Variants in PCDHGB2 observed in about 807,000 individuals in gnomAD.
PCDHGB2 encodes protocadherin gamma subfamily B, 2, also known as protocadherin gamma-B2.
A neutral mutation model predicts 59.3 loss-of-function variants in PCDHGB2; 55 were observed. That is an observed-to-expected ratio of 0.93 (90% confidence interval 0.75 to 1.16). The LOEUF (loss-of-function observed/expected upper bound fraction) is 1.16, where lower values mean the gene tolerates loss of function less well. PCDHGB2 is among the 50% of genes most tolerant of loss of function. PCDHGB2 has a pLI of 0.00. For synonymous variants in PCDHGB2, 516 were observed against 512.0 expected, an observed-to-expected ratio of 1.01 and a Z score of -0.11; for missense variants, 1,228 against 1,198.5, an observed-to-expected ratio of 1.02 and a Z score of -0.36.
At chr5:141,384,478 G>T (rs1350381914) in intron 1 of PCDHGB2, 1 of 1,613,986 alleles carries the variant, frequency 6.2e-7, no homozygotes, top group African/African-American at 1.3e-5. Flanking sequence ...GCAGTTGAGA[G>T]AACTACAACT....
At chr5:141,406,273 G>A (rs1366399912) in intron 1 of PCDHGB2, among the ~76,000 whole-genome samples, 2 of 151,898 alleles carry the variant, frequency 1.3e-5, no homozygotes, top group Non-Finnish European at 2.9e-5. Context: ...TCCTGCTTCA[G>A]TTTCCCAAAG....
intron 1 of PCDHGB2, among the ~76,000 whole-genome samples, chr5:141,433,397 A>ATCTC (rs1179042498): frequency 6.6e-6 from 1 of 150,410 alleles, no homozygotes; most frequent in African/African-American, 2.5e-5. Flanking sequence ...CTATCTATCT[A>ATCTC]TCTATCTATT....
rs750920407 is a variant in PCDHGB2, at chr5:141,361,795, G to C, written c.1660G>C (p.Asp554His). The C allele has an allele frequency of 1.9e-6, 3 of 1,613,220 alleles. No individual in the cohort carries two copies. The highest frequency in any genetic ancestry group is 2.5e-6 in the Non-Finnish European group (3 of 1,179,738). The part of the protein sequence containing the change: ...ANVSLRVLVG[D>H]LNDNAPRVLY... Reference sequence around the variant, plus strand: ...CGTGAGCCTGCGCGTGTTAGTGGGCGACCTCAATGACAATGCGCCACGGGT... The same window carrying C: ...CGTGAGCCTGCGCGTGTTAGTGGGCCACCTCAATGACAATGCGCCACGGGT... The change falls in exon 1 of 4, where the codon GAC becomes CAC. Residue 554 changes from aspartate (D) to histidine (H), a missense_variant. Physicochemically the swap from Asp to His is moderately conservative, Grantham distance 81. Around this residue, in one of 3 missense-constraint regions of PCDHGB2, gnomAD observed 781 missense variants for 721.6 expected, o/e 1.08. Coordinates refer to ENST00000522605, the MANE Select transcript of PCDHGB2 (RefSeq NM_018923.3).
intron 2 of PCDHGB2, among the ~76,000 whole-genome samples, chr5:141,499,146 C>T (rs1415999012): frequency 1.3e-5 from 2 of 152,132 alleles, no homozygotes; most frequent in African/African-American, 4.8e-5. Flanking sequence ...GTGTCTGATC[C>T]CAATAGCTGT....
At chr5:141,409,867 C>T (rs376725837) in intron 1 of PCDHGB2, 35 of 1,612,662 alleles carry the variant, frequency 2.2e-5, no homozygotes, top group African/African-American at 2.1e-4. Flanking sequence ...TGGGAGACCG[C>T]AATGACAACG....
chr5:141,376,948 A>T (rs1369934638), intron 1 of PCDHGB2: 1 of 164,970 alleles, frequency 6.1e-6, no homozygotes, highest in South Asian at 1.6e-4. Context: ...CGGCCTCCCA[A>T]AGTGCTGGGA....
At position 141,491,686 on chromosome 5, in the gene PCDHGB2, C is replaced by CG; in HGVS notation, c.2422-3118dup. 1 of 1,612,970 alleles carries CG rather than the reference C, an allele frequency of 6.2e-7. No individual in the cohort carries two copies. The highest frequency in any genetic ancestry group is 2.2e-5 in the East Asian group (1 of 44,838). ...CATCCGGTCCCGCTCTAATACGCTG[C>CG]GGGAGCGGAGCCAGGTGAGGGGCTC... On this transcript the variant is annotated intron_variant, in intron 1 of 3. Transcript: ENST00000522605. The surrounding 1 kb of genome is among the most constrained non-coding windows in gnomAD (Gnocchi z 6.9).
chr5:141,489,427 C>G lies in PCDHGB2; in HGVS notation c.2422-5380C>G, dbSNP rs370540900. ...AAAGATGACAGATCTGTTGAGCCGG[C>G]GGCTGCAATTGGGCTCTGAGGAGAA... On this transcript the variant is annotated intron_variant, in intron 1 of 3. Transcript: ENST00000522605. The surrounding 1 kb of genome is among the most constrained non-coding windows in gnomAD (Gnocchi z 4.5). 6.2e-7 allele frequency: 1 copy of G among 1,614,108 alleles called. No homozygotes were observed. Among genetic ancestry groups the G allele is most frequent in the South Asian group, 1.1e-5 (1 of 91,086 alleles).
Position 141,431,920 on chromosome 5 carries a change from A to C in PCDHGB2, c.2422-62887A>C. On this transcript the variant is annotated intron_variant, in intron 1 of 3. Transcript: ENST00000522605. The surrounding 1 kb of genome is among the most constrained non-coding windows in gnomAD (Gnocchi z 4.8). ...ACGGACAGGTGATCTGTTTCATCCA[A>C]GGAAATCTGCCCTTTAAATTAGAAA... 1 of 1,614,164 alleles carries C rather than the reference A, an allele frequency of 6.2e-7. No individual in the cohort carries two copies. Among genetic ancestry groups the C allele is most frequent in the Non-Finnish European group, 8.5e-7 (1 of 1,179,976 alleles).
intron 1 of PCDHGB2, among the ~76,000 whole-genome samples, chr5:141,387,541 T>C (rs1198504274): frequency 6.6e-6 from 1 of 152,252 alleles, no homozygotes; most frequent in Non-Finnish European, 1.5e-5. Flanking sequence ...CACGTAGTTT[T>C]TGTTCTTTCA....
chr5:141,472,079 G>T (rs2099271048), intron 1 of PCDHGB2, among the ~76,000 whole-genome samples: 1 of 152,124 alleles, frequency 6.6e-6, no homozygotes, highest in African/African-American at 2.4e-5. Flanking sequence ...TTATATCAAT[G>T]AGTACTATTA....
At position 141,454,263 on chromosome 5, in the gene PCDHGB2, T is replaced by C. The variant is rs954231508; in HGVS notation, c.2422-40544T>C. Among the ~76,000 whole-genome samples, 42 of 152,140 alleles carry C rather than the reference T, an allele frequency of 2.8e-4. 1 individual carries two copies. Among genetic ancestry groups the C allele is most frequent in the South Asian group, 1.0e-3 (5 of 4,826 alleles). On this transcript the variant is annotated intron_variant, in intron 1 of 3. Coordinates refer to ENST00000522605, the MANE Select transcript of PCDHGB2 (RefSeq NM_018923.3). Reference sequence around the variant, plus strand: ...GATGAAGATGTCCCAGAGAAAGTAATGCCAGCAAAAACTTCACATTAAAGG... The same window carrying C: ...GATGAAGATGTCCCAGAGAAAGTAACGCCAGCAAAAACTTCACATTAAAGG...
rs769514553 is a variant in PCDHGB2, at chr5:141,490,072, G to T, written c.2422-4735G>T. On this transcript the variant is annotated intron_variant, in intron 1 of 3. Transcript: ENST00000522605. The surrounding 1 kb of genome is among the most constrained non-coding windows in gnomAD (Gnocchi z 5.4). Reference sequence around the variant, plus strand: ...AGACGAGGGCACCAACGGCCAACTAGACTATTCTTTTGGAGACCACACATC... The same window carrying T: ...AGACGAGGGCACCAACGGCCAACTATACTATTCTTTTGGAGACCACACATC... 2 of 1,614,254 alleles carry T rather than the reference G, an allele frequency of 1.2e-6. No homozygotes were observed. Among genetic ancestry groups the T allele is most frequent in the South Asian group, 2.2e-5 (2 of 91,090 alleles).
chr5:141,444,589 C>A (rs1198742574), intron 1 of PCDHGB2, among the ~76,000 whole-genome samples: 1 of 152,068 alleles, frequency 6.6e-6, no homozygotes, highest in Non-Finnish European at 1.5e-5. Context: ...TTTCTACTTA[C>A]CTTATTTAAA....
chr5:141,369,146 G>A (rs1450558377), intron 1 of PCDHGB2, among the ~76,000 whole-genome samples: 4 of 152,168 alleles, frequency 2.6e-5, no homozygotes, highest in African/African-American at 7.2e-5. Context: ...AAAATGGCAT[G>A]TTATTGACCA....
chr5:141,375,300 C>A lies in PCDHGB2; in HGVS notation c.2421+12744C>A, dbSNP rs374837091. On this transcript the variant is annotated intron_variant, in intron 1 of 3. Transcript: ENST00000522605. ...GTTGGCAATTATTATCGATTAGTGA[C>A]AAATGCAGCTCTAGACCGGGAAGAG... 1.3e-5 allele frequency: 21 copies of A among 1,613,664 alleles called. No homozygotes were observed. In the African/African-American group the frequency reaches 2.1e-4, roughly 16 times the overall value.
At chr5:141,428,293 C>G (rs1278634119) in intron 1 of PCDHGB2, 1 of 716,436 alleles carries the variant, frequency 1.4e-6, no homozygotes, top group South Asian at 1.6e-5. Flanking sequence ...AGCAAAGCTG[C>G]AGATTTACCT....
At position 141,360,587 on chromosome 5, in the gene PCDHGB2, C is replaced by T. The variant is rs1186405210; in HGVS notation, c.452C>T (p.Thr151Ile). Reference protein sequence around the residue: ...KIGESTKPGTTFPLDPALDSD... With the variant: ...KIGESTKPGTIFPLDPALDSD... The stretch of plus-strand genomic sequence containing the variant: ...GGCGAATCCACTAAGCCAGGTACAA[C>T]ATTTCCACTTGACCCAGCCCTGGAT... The change falls in exon 1 of 4, where the codon ACA becomes ATA. Residue 151 changes from threonine to isoleucine, a missense_variant. Around this residue, in one of 3 missense-constraint regions of PCDHGB2, gnomAD observed 781 missense variants for 721.6 expected, o/e 1.08. Coordinates refer to ENST00000522605, the MANE Select transcript of PCDHGB2 (RefSeq NM_018923.3). 6.2e-6 allele frequency: 10 copies of T among 1,613,882 alleles called. No individual in the cohort carries two copies. Among genetic ancestry groups the T allele is most frequent in the Non-Finnish European group, 6.8e-6 (8 of 1,179,904 alleles).
At chr5:141,392,879 G>A in intron 1 of PCDHGB2, 2 of 1,613,512 alleles carry the variant, frequency 1.2e-6, no homozygotes, top group South Asian at 1.1e-5. Flanking sequence ...TGCTGGGAAC[G>A]CTGTGGGAAA....
Sources: gnomAD v4.1 joint callset for allele counts (sites outside exome capture counted in the v4.1 genomes callset) on GRCh38, gnomAD v4.1.1 for gene constraint, gnomAD v4.1.1 regional missense constraint, Gnocchi (gnomAD v3.1) non-coding constraint, MANE v1.5 for transcripts, NCBI Gene and HGNC (gene_info 2026-07-23, HGNC 2026-07-21) for gene names.